The following SBF2 variants were observed in gnomAD, a reference collection of about 807,000 sequenced individuals.
SBF2 encodes SET binding factor 2, also known as myotubularin-related protein 13.
SBF2 carries 112 observed loss-of-function variants against 225.2 expected under a neutral mutation model. That is an observed-to-expected ratio of 0.50 (90% CI 0.43 to 0.58). SBF2 has a LOEUF of 0.58. SBF2 is among the 20% of genes least tolerant of loss of function. The pLI, the probability that SBF2 is intolerant of heterozygous loss-of-function variation, is 0.00. For synonymous variants in SBF2, 763 were observed against 773.3 expected, an observed-to-expected ratio of 0.99 and a Z score of 0.22; for missense variants, 1,996 against 2,206.2, an observed-to-expected ratio of 0.90 and a Z score of 1.91.
Position 10,272,194 on chromosome 11 carries a change from G to A in SBF2, c.55+21821C>T, listed in dbSNP as rs1194318786. 1.0e-5 allele frequency: 11 copies of A among 1,081,858 alleles called. 4 individuals are homozygous for A. In the South Asian group the frequency reaches 1.6e-4, roughly 15 times the overall value. The allele number at this position is 1,081,858 out of a possible 1,614,324, so 67.0% of individuals were successfully genotyped here. ...CCTGAGAGACCTTGATCCTCTCCAC[G>A]CCAGCCTCCAACTTGAGCTGCTCTA... On this transcript the variant is annotated intron_variant, in intron 1 of 39. Transcript: ENST00000256190.
rs1380516245 is a variant in SBF2, at chr11:9,963,836, T to C, written c.1647A>G (p.Arg549=). 6.2e-7 allele frequency: 1 copy of C among 1,611,946 alleles called. No homozygotes were observed. The highest frequency in any genetic ancestry group is 2.2e-5 in the East Asian group (1 of 44,856). ...KVTTVFNSAQ[R]LEVVRNCISF... ...AGATACAGTTTCTGACAACTTCTAGTCTTTGTGCACTGTTGAAAACTGTCG... is the reference window on the plus strand; with the variant it reads ...AGATACAGTTTCTGACAACTTCTAGCCTTTGTGCACTGTTGAAAACTGTCG... The change falls in exon 15 of 40, where the codon AGA becomes AGG. Residue 549 remains arginine, a synonymous_variant. Coordinates refer to ENST00000256190, the MANE Select transcript of SBF2 (RefSeq NM_030962.4).
chr11:10,284,647 G>A (rs187627801), intron 1 of SBF2, among the ~76,000 whole-genome samples: 17 of 151,524 alleles, frequency 1.1e-4, no homozygotes, highest in Non-Finnish European at 2.1e-4. Context: ...AGTTTGTTCC[G>A]TTACCCAGGC....
At chr11:10,253,878 C>T (rs1015393840) in intron 1 of SBF2, among the ~76,000 whole-genome samples, 1 of 151,936 alleles carries the variant, frequency 6.6e-6, no homozygotes. Context: ...CCACAAGATA[C>T]ATGAAAAAAT....
intron 17 of SBF2, among the ~76,000 whole-genome samples, chr11:9,871,875 T>G (rs1858792629): frequency 5.3e-5 from 8 of 151,860 alleles, no homozygotes; most frequent in Admixed American, 5.3e-4. Flanking sequence ...TTGGTGGGAG[T>G]GTAAATTAGT....
intron 17 of SBF2, among the ~76,000 whole-genome samples, chr11:9,869,484 A>G (rs1343726750): frequency 6.6e-6 from 1 of 152,092 alleles, no homozygotes; most frequent in Non-Finnish European, 1.5e-5. Flanking sequence ...ATGCCTGGCT[A>G]ATTTTTGTAT....
intron 2 of SBF2, among the ~76,000 whole-genome samples, chr11:10,113,990 A>G (rs1459056732): frequency 6.6e-6 from 1 of 151,460 alleles, no homozygotes; most frequent in East Asian, 1.9e-4. Flanking sequence ...CATTCCTAAT[A>G]TTGTTAGTGT....
At chr11:9,847,700 A>G (rs1277125258) in intron 22 of SBF2, among the ~76,000 whole-genome samples, 1 of 152,194 alleles carries the variant, frequency 6.6e-6, no homozygotes. Flanking sequence ...GGAGTTTATT[A>G]AAGCAAACAT....
intron 2 of SBF2, among the ~76,000 whole-genome samples, chr11:10,170,018 T>A (rs1241781298): frequency 6.6e-6 from 1 of 152,224 alleles, no homozygotes; most frequent in Non-Finnish European, 1.5e-5. Context: ...GCCCAGCTTT[T>A]AATCAGATTA....
chr11:9,909,526 CG>C (rs1222406255), intron 16 of SBF2, among the ~76,000 whole-genome samples: 1 of 151,846 alleles, frequency 6.6e-6, no homozygotes, highest in Admixed American at 6.6e-5. Context: ...AAAAATTAGC[CG>C]GGCGTGGTGG....
intron 3 of SBF2, among the ~76,000 whole-genome samples, 176 bp from the exon 4 acceptor site, chr11:10,031,346 T>C (rs758067628): frequency 6.6e-6 from 1 of 152,154 alleles, no homozygotes; most frequent in Non-Finnish European, 1.5e-5. Context: ...AAAAGTAAAG[T>C]AGACAAATTA....
intron 1 of SBF2, among the ~76,000 whole-genome samples, chr11:10,210,532 CA>C (rs1182123304): frequency 1.3e-5 from 2 of 152,060 alleles, no homozygotes. Context: ...TGCTAAAACA[CA>C]AGAGTTTTAT....
At chr11:10,143,236 A>C (rs1289995911) in intron 2 of SBF2, among the ~76,000 whole-genome samples, 1 of 151,946 alleles carries the variant, frequency 6.6e-6, no homozygotes. Flanking sequence ...CAATGGCGCA[A>C]TCTCGGCTCA....
At chr11:10,279,616 C>T (rs1365025237) in intron 1 of SBF2, among the ~76,000 whole-genome samples, 1 of 152,086 alleles carries the variant, frequency 6.6e-6, no homozygotes, top group Non-Finnish European at 1.5e-5. Flanking sequence ...CCTGTCACCT[C>T]CCACAGTGTC....
At chr11:10,083,983 T>C (rs781737827) in intron 2 of SBF2, among the ~76,000 whole-genome samples, 1 of 152,064 alleles carries the variant, frequency 6.6e-6, no homozygotes, top group Non-Finnish European at 1.5e-5. Context: ...CTATAAAACA[T>C]ACACAAATAA....
intron 16 of SBF2, among the ~76,000 whole-genome samples, chr11:9,924,142 G>T (rs1395334090): frequency 6.6e-6 from 1 of 152,168 alleles, no homozygotes; most frequent in African/African-American, 2.4e-5. Context: ...GATGGTCCTA[G>T]ACTTATGATG....
chr11:9,898,358 C>T (rs1452903594), intron 16 of SBF2, among the ~76,000 whole-genome samples: 1 of 147,126 alleles, frequency 6.8e-6, no homozygotes, highest in Non-Finnish European at 1.5e-5. Context: ...TGTTCTATTG[C>T]AATGACTACT....
chr11:9,876,556 T>A (rs1023985011), intron 17 of SBF2, among the ~76,000 whole-genome samples: 3 of 152,134 alleles, frequency 2.0e-5, no homozygotes, highest in Admixed American at 1.3e-4. Flanking sequence ...CCCCACGTTC[T>A]GAAGAAAGGC....
intron 32 of SBF2, among the ~76,000 whole-genome samples, chr11:9,802,799 T>G (rs1401849993): frequency 6.6e-6 from 1 of 152,240 alleles, no homozygotes; most frequent in African/African-American, 2.4e-5. Context: ...TTGCTAACTA[T>G]AGTCTTCTTA....
chr11:9,882,073 C>T (rs1859813392), intron 17 of SBF2, among the ~76,000 whole-genome samples: 1 of 152,158 alleles, frequency 6.6e-6, no homozygotes, highest in African/African-American at 2.4e-5. Context: ...CATAATGAGT[C>T]AAGTTGTTAA....
Sources: gnomAD v4.1 joint callset for allele counts (sites outside exome capture counted in the v4.1 genomes callset) on GRCh38, gnomAD v4.1.1 for gene constraint, MANE v1.5 for transcripts, NCBI Gene and HGNC (gene_info 2026-07-23, HGNC 2026-07-21) for gene names.